The following PBRM1 variants were observed in gnomAD, a reference collection of about 807,000 sequenced individuals.
PBRM1 encodes the protein protein polybromo-1.
A neutral mutation model predicts 194.5 loss-of-function variants in PBRM1; 27 were observed. The ratio of observed to expected loss-of-function variants is 0.14; its 90% confidence interval spans 0.10 to 0.19. The LOEUF is 0.19. Among genes scored for constraint, PBRM1 ranks in the 10% least tolerant of loss-of-function variants. The pLI, the probability that PBRM1 is intolerant of heterozygous loss-of-function variation, is 1.00. For missense variants in PBRM1, 1,466 were observed against 2,077.2 expected (o/e 0.71, Z 5.72); for synonymous variants, 655 against 693.2 (o/e 0.94, Z 0.87).
At chr3:52,651,785 A>G in exon 6 of PBRM1, 1 of 1,605,356 alleles carries the variant, frequency 6.2e-7, no homozygotes, top group Non-Finnish European at 8.5e-7. Context: ...AGGCTCCTTA[A>G]TTATTGCATA....
chr3:52,656,925 TTA>T (rs199649414), intron 5 of PBRM1, among the ~76,000 whole-genome samples: 2 of 131,078 alleles, frequency 1.5e-5, no homozygotes, highest in East Asian at 4.8e-4. Flanking sequence ...CCCAAAAAAC[TTA>T]TAAACAAAAG....
intron 21 of PBRM1, 60 bp downstream of exon 23, chr3:52,578,994 T>G (rs2090402573): frequency 6.4e-7 from 1 of 1,554,938 alleles, no homozygotes; most frequent in African/African-American, 1.4e-5. Flanking sequence ...GGTGACTAAT[T>G]TCTACTGGTT....
At chr3:52,685,868 C>T (rs2097305714), upstream of PBRM1, 2 of 534,756 alleles carry the variant, frequency 3.7e-6, no homozygotes. Context: ...GCTTCGGCAC[C>T]CGCCGCCCTC....
chr3:52,626,521 G>A (rs12106887), intron 13 of PBRM1, among the ~76,000 whole-genome samples: 4,222 of 152,208 alleles, frequency 0.028, 203 homozygotes, highest in African/African-American at 0.097. Flanking sequence ...ATCTTCCCTG[G>A]ATTGACTGTT....
At chr3:52,660,978 C>A (rs904526252) in intron 4 of PBRM1, among the ~76,000 whole-genome samples, 3 of 152,084 alleles carry the variant, frequency 2.0e-5, no homozygotes, top group Admixed American at 1.3e-4. Flanking sequence ...GAGTTGTGAT[C>A]CCCTCTACTA....
chr3:52,602,738 A>G (rs1258200513), intron 17 of PBRM1, among the ~76,000 whole-genome samples: 1 of 152,318 alleles, frequency 6.6e-6, no homozygotes, highest in Admixed American at 6.5e-5. Flanking sequence ...TCCTTTGGTG[A>G]CAAAGCTGTT....
At chr3:52,593,316 A>T (rs922190551) in intron 17 of PBRM1, among the ~76,000 whole-genome samples, 1 of 152,022 alleles carries the variant, frequency 6.6e-6, no homozygotes, top group African/African-American at 2.4e-5. Context: ...GCAGTGGCAC[A>T]ATCTTGGCTC....
chr3:52,644,057 A>ATTATATATTATATATATTTATTT (rs2096212366), intron 8 of PBRM1, among the ~76,000 whole-genome samples: 3 of 151,914 alleles, frequency 2.0e-5, no homozygotes, highest in Non-Finnish European at 4.4e-5. Flanking sequence ...CTTACCAAAA[A>ATTATATATTATATATATTTATTT]TATGAATACA....
chr3:52,634,965 A>T (rs2095752851), intron 10 of PBRM1, 150 bp from the exon 12 acceptor site: 2 of 656,378 alleles, frequency 3.0e-6, no homozygotes, highest in Non-Finnish European at 5.1e-6. Flanking sequence ...TGGCTTTGTC[A>T]CCCAGGCTGG....
At chr3:52,646,656 AAAG>A (rs2096299216) in intron 7 of PBRM1, among the ~76,000 whole-genome samples, 1 of 152,100 alleles carries the variant, frequency 6.6e-6, no homozygotes, top group Non-Finnish European at 1.5e-5. Context: ...TTCAATGGGG[AAAG>A]AATAATCTTT....
At chr3:52,569,458 C>A (rs565830323) in intron 22 of PBRM1, among the ~76,000 whole-genome samples, 70 of 152,308 alleles carry the variant, frequency 4.6e-4, no homozygotes, top group African/African-American at 1.5e-3. Context: ...GATCCGCCCG[C>A]CTTGGCTTCC....
Position 52,609,689 on chromosome 3 carries a change from T to A in PBRM1, c.2191A>T (p.Met731Leu). 2.5e-6 allele frequency: 4 copies of A among 1,613,628 alleles called. No individual in the cohort carries two copies. The highest frequency in any genetic ancestry group is 2.5e-6 in the Non-Finnish European group (3 of 1,179,856). ...TTGTATGTACAGGCATTATTAAACA[T>A]CATGACAAAGTCCTCAACCATAGAG... The change falls in exon 16 of 30, where the codon ATG (methionine) becomes TTG (leucine). Residue 731 changes from methionine (M) to leucine (L), a missense_variant. Physicochemically the swap from Met to Leu is conservative, Grantham distance 15 (BLOSUM62 2). This residue lies in a region of PBRM1 where 687 missense variants were observed against 946.2 expected (regional missense o/e 0.73). Coordinates refer to ENST00000296302, the Ensembl canonical transcript of PBRM1. The surrounding 1 kb of genome is among the most constrained non-coding windows in gnomAD (Gnocchi z 4.1).
chr3:52,658,216 T>C (rs1560868667), exon 5 of PBRM1: 1 of 1,589,404 alleles, frequency 6.3e-7, no homozygotes, highest in East Asian at 2.2e-5. Context: ...GAAGGCAGTT[T>C]CTGAAAAAGT....
chr3:52,641,465 A>AAAAAAAAG (rs2096080882), intron 10 of PBRM1, among the ~76,000 whole-genome samples: 2 of 131,260 alleles, frequency 1.5e-5, no homozygotes, highest in Admixed American at 7.5e-5. Flanking sequence ...AAAAAAAAAG[A>AAAAAAAAG]AAAAAAAAAG....
intron 22 of PBRM1, among the ~76,000 whole-genome samples, chr3:52,569,727 CTTG>C (rs1235953922): frequency 6.6e-6 from 1 of 152,172 alleles, no homozygotes; most frequent in African/African-American, 2.4e-5. Flanking sequence ...TGTGGCATAT[CTTG>C]TTAAGTTTAT....
intron 22 of PBRM1, among the ~76,000 whole-genome samples, chr3:52,571,953 G>C (rs1445647387): frequency 6.7e-6 from 1 of 149,326 alleles, no homozygotes; most frequent in Non-Finnish European, 1.5e-5. Flanking sequence ...TGGGAGGATT[G>C]CTTGCGCCCA....
chr3:52,668,435 A>T, intron 3 of PBRM1, 63 bp downstream of exon 4: 1 of 1,221,774 alleles, frequency 8.2e-7, no homozygotes, highest in Non-Finnish European at 1.1e-6. Flanking sequence ...ATAAATATTA[A>T]GAAGCCAATT....
At chr3:52,578,049 G>A (rs1189173407) in intron 21 of PBRM1, among the ~76,000 whole-genome samples, 3 of 152,116 alleles carry the variant, frequency 2.0e-5, no homozygotes, top group Admixed American at 2.0e-4. Flanking sequence ...CTCCTCAGGT[G>A]TTTATACTGG....
chr3:52,587,570 CTTT>C (rs36056285), intron 18 of PBRM1, 60 bp from the exon 21 acceptor site: 1,095 of 727,390 alleles, frequency 1.5e-3, no homozygotes, highest in Non-Finnish European at 1.7e-3. Context: ...ACAGAAATCA[CTTT>C]TTTTTTTTTT....
Sources: gnomAD v4.1 joint callset for allele counts (sites outside exome capture counted in the v4.1 genomes callset) on GRCh38, gnomAD v4.1.1 for gene constraint, gnomAD v4.1.1 regional missense constraint, Gnocchi (gnomAD v3.1) non-coding constraint, MANE v1.5 for transcripts, NCBI Gene and HGNC (gene_info 2026-07-23, HGNC 2026-07-21) for gene names.